Variants in SCN9A observed in about 807,000 individuals in gnomAD.
SCN9A encodes sodium voltage-gated channel alpha subunit 9.
Under a neutral mutation model 187.0 loss-of-function variants are expected in SCN9A, and 131 were observed. That is an observed-to-expected ratio of 0.70 (90% CI 0.61 to 0.81). SCN9A has a LOEUF of 0.81. SCN9A is among the 30% of genes least tolerant of loss of function. SCN9A has a pLI of 0.00. For missense variants in SCN9A, 2,252 were observed against 2,396.6 expected (o/e 0.94, Z 1.26); for synonymous variants, 809 against 808.6 (o/e 1.00, Z -0.01).
chr2:166,217,403 A>G (rs1305660063), intron 24 of SCN9A, among the ~76,000 whole-genome samples: 1 of 152,078 alleles, frequency 6.6e-6, no homozygotes, highest in Non-Finnish European at 1.5e-5. Context: ...AAACGAAGCA[A>G]TAACAGAGTG....
chr2:166,304,153 C>T (rs747831682), intron 6 of SCN9A, 85 bp downstream of exon 6: 69 of 1,612,056 alleles, frequency 4.3e-5, no homozygotes, highest in Admixed American at 1.7e-4. Context: ...CACACAGTGA[C>T]GACACACACA....
chr2:166,346,128 C>T (rs1484175673), intron 1 of SCN9A, among the ~76,000 whole-genome samples: 8 of 152,078 alleles, frequency 5.3e-5, no homozygotes, highest in Non-Finnish European at 7.4e-5. Flanking sequence ...ATTACCACTT[C>T]GTGAAAAGAG....
At chr2:166,202,713 A>G (rs1693599656) in intron 26 of SCN9A, among the ~76,000 whole-genome samples, 1 of 151,748 alleles carries the variant, frequency 6.6e-6, no homozygotes, top group Non-Finnish European at 1.5e-5. Flanking sequence ...AGTTATTATT[A>G]GATAATTTAC....
chr2:166,217,255 C>T (rs553192240), intron 24 of SCN9A, among the ~76,000 whole-genome samples: 4 of 152,080 alleles, frequency 2.6e-5, no homozygotes, highest in African/African-American at 9.6e-5. Flanking sequence ...TATAAAGCTA[C>T]TAGAAGAAAA....
In SCN9A at chr2:166,375,848, C is replaced by T. The variant is rs1007022036; in HGVS notation, c.-202G>A. 6.6e-6 allele frequency: 1 copy of T among 152,256 alleles called. No homozygotes were observed. Among genetic ancestry groups the T allele is most frequent in the Non-Finnish European group, 1.5e-5 (1 of 68,062 alleles). The allele number at this position is 152,256 out of a possible 1,614,324, so 9.4% of individuals were successfully genotyped here. Reference sequence around the variant, plus strand: ...CTCAGGGGACGCCTGCCGCTAGCAGCCACTGGCACCCAGGCTAGCCCAGCC... The same window carrying T: ...CTCAGGGGACGCCTGCCGCTAGCAGTCACTGGCACCCAGGCTAGCCCAGCC... On this transcript the variant is annotated 5_prime_UTR_variant, in exon 1 of 27. Transcript: ENST00000642356.
At chr2:166,287,302 T>G (rs1416431424) in intron 10 of SCN9A, among the ~76,000 whole-genome samples, 1 of 152,134 alleles carries the variant, frequency 6.6e-6, no homozygotes, top group Non-Finnish European at 1.5e-5. Context: ...TCTTTTTATA[T>G]GTATGTATAA....
intron 2 of SCN9A, among the ~76,000 whole-genome samples, chr2:166,309,432 T>G (rs989423939): frequency 6.6e-6 from 1 of 152,198 alleles, no homozygotes; most frequent in African/African-American, 2.4e-5. Flanking sequence ...TGTCCAAAAA[T>G]GTTATGCTAA....
rs748920376 is a variant in SCN9A, at chr2:166,251,825, C to T, written c.3412G>A (p.Gly1138Arg). 3 of 1,612,664 alleles carry T rather than the reference C, an allele frequency of 1.9e-6. No individual in the cohort carries two copies. Among genetic ancestry groups the T allele is most frequent in the East Asian group, 2.2e-5 (1 of 44,804 alleles). Residue 1138 changes from glycine to arginine, a missense_variant, in exon 18 of 27, where the codon GGA (glycine) becomes AGA (arginine). Around this residue, in one of 7 missense-constraint regions of SCN9A, gnomAD observed 313 missense variants for 295.3 expected, o/e 1.06. Transcript: ENST00000642356. ...STVDNPLPGE[G>R]EEAEAEPMNS... ...ATAGGTTCAGCCTCTGCTTCTTCTCCTTCTCCAGGCAAAGGGTTATCAACT... is the reference window on the plus strand; with the variant it reads ...ATAGGTTCAGCCTCTGCTTCTTCTCTTTCTCCAGGCAAAGGGTTATCAACT...
chr2:166,247,407 G>A (rs1222434497), intron 18 of SCN9A, among the ~76,000 whole-genome samples: 1 of 152,056 alleles, frequency 6.6e-6, no homozygotes, highest in Non-Finnish European at 1.5e-5. Flanking sequence ...TGTTACTAAA[G>A]TTAGAATTAA....
chr2:166,269,799 T>C (rs1438817804), intron 17 of SCN9A, among the ~76,000 whole-genome samples: 1 of 152,082 alleles, frequency 6.6e-6, no homozygotes, highest in African/African-American at 2.4e-5. Context: ...TCCTCATAAA[T>C]GTTAAGAAAT....
chr2:166,326,826 T>G (rs1278482294), intron 1 of SCN9A, among the ~76,000 whole-genome samples: 1 of 152,204 alleles, frequency 6.6e-6, no homozygotes, highest in Non-Finnish European at 1.5e-5. Context: ...GCAGATGTCA[T>G]ATATTAATCA....
rs577625085 is a variant in SCN9A, at chr2:166,345,550, T to C, written c.-51+30147A>G. 1.8e-4 allele frequency among the ~76,000 whole-genome samples: 27 copies of C among 152,162 alleles called. No individual in the cohort carries two copies. The East Asian group carries it at 5.2e-3, about 29-fold the overall frequency. On this transcript the variant is annotated intron_variant, in intron 1 of 26. Coordinates refer to ENST00000642356, the MANE Select transcript of SCN9A (RefSeq NM_001365536.1). ...CAAAAAAAAGTAGGGAAAAGGGGTT[T>C]ATTGATTGATATAAAACTAAGTTCC...
intron 1 of SCN9A, among the ~76,000 whole-genome samples, chr2:166,347,102 GAACT>G (rs1481862718): frequency 2.0e-5 from 3 of 152,270 alleles, no homozygotes; most frequent in African/African-American, 7.2e-5. Flanking sequence ...CAGTGATGCT[GAACT>G]AATAAGAATG....
At chr2:166,205,784 C>T (rs1207358736) in intron 24 of SCN9A, among the ~76,000 whole-genome samples, 2 of 151,804 alleles carry the variant, frequency 1.3e-5, no homozygotes, top group Non-Finnish European at 2.9e-5. Context: ...GGCTAATATC[C>T]AGAATCTACA....
intron 7 of SCN9A, among the ~76,000 whole-genome samples, chr2:166,300,314 G>A (rs1202654255): frequency 6.7e-6 from 1 of 150,266 alleles, no homozygotes; most frequent in African/African-American, 2.5e-5. Context: ...CTTTATTCAG[G>A]ACCTTTGCCC....
intron 1 of SCN9A, among the ~76,000 whole-genome samples, chr2:166,314,085 T>G (rs1483579300): frequency 6.6e-6 from 1 of 152,184 alleles, no homozygotes; most frequent in South Asian, 2.1e-4. Flanking sequence ...CAAAGATCAC[T>G]GATCATAGAT....
intron 15 of SCN9A, 48 bp downstream of exon 15, chr2:166,278,092 A>G: frequency 6.8e-7 from 1 of 1,461,670 alleles, no homozygotes; most frequent in Non-Finnish European, 9.3e-7. Context: ...AAACCAAAGA[A>G]ATACCCCTTT....
At chr2:166,334,273 G>T (rs1699576108) in intron 1 of SCN9A, among the ~76,000 whole-genome samples, 1 of 152,022 alleles carries the variant, frequency 6.6e-6, no homozygotes, top group Admixed American at 6.6e-5. Context: ...AGTCTGAACA[G>T]AATAAATGCT....
chr2:166,272,275 G>A (rs184252111), intron 17 of SCN9A, 124 bp downstream of exon 17: 278 of 606,540 alleles, frequency 4.6e-4, no homozygotes, highest in African/African-American at 3.7e-3. Context: ...GTAAAGTCAC[G>A]CACAAAAACT....
Sources: allele counts gnomAD v4.1 joint callset (sites outside exome capture counted in the v4.1 genomes callset), GRCh38; gene constraint gnomAD v4.1.1; regional missense constraint gnomAD v4.1.1; transcripts MANE v1.5; gene names NCBI Gene and HGNC (gene_info 2026-07-23, HGNC 2026-07-21).